PPHLN1: variants seen among roughly 807,000 people sequenced by gnomAD.
The protein encoded by PPHLN1 is periphilin-1.
PPHLN1 carries 29 observed loss-of-function variants against 51.3 expected under a neutral mutation model. The observed-to-expected ratio is 0.57, with a 90% CI of 0.42 to 0.77. The LOEUF (loss-of-function observed/expected upper bound fraction) is 0.77, where lower values mean the gene tolerates loss of function less well. PPHLN1 is among the 30% of genes least tolerant of loss of function. The probability of loss-of-function intolerance (pLI) is 0.00; values close to 1 mark genes in which losing one functional copy is unlikely to be tolerated. For synonymous variants in PPHLN1, 147 were observed against 147.8 expected (o/e 0.99, Z 0.04); for missense variants, 436 against 438.4 (o/e 0.99, Z 0.05).
At chr12:42,388,618 T>C (rs1202254035) in intron 7 of PPHLN1, among the ~76,000 whole-genome samples, 3 of 152,120 alleles carry the variant, frequency 2.0e-5, no homozygotes, top group Admixed American at 6.5e-5. Context: ...TTTCTTTCTC[T>C]ATACTTTGTC....
intron 9 of PPHLN1, among the ~76,000 whole-genome samples, chr12:42,417,809 C>G (rs1261471486): frequency 4.7e-5 from 7 of 147,628 alleles, no homozygotes. Context: ...ATTATTGGGA[C>G]ATTTCAAAAT....
intron 1 of PPHLN1, among the ~76,000 whole-genome samples, chr12:42,335,124 C>T (rs1039457723): frequency 6.6e-6 from 1 of 152,060 alleles, no homozygotes; most frequent in African/African-American, 2.4e-5. Flanking sequence ...CTATTTTCAT[C>T]TCTTCTTGTG....
At chr12:42,396,269 G>A (rs2078187881) in intron 8 of PPHLN1, among the ~76,000 whole-genome samples, 2 of 151,804 alleles carry the variant, frequency 1.3e-5, no homozygotes, top group Admixed American at 1.3e-4. Flanking sequence ...TTTTTTCACA[G>A]CATGTATTTC....
intron 7 of PPHLN1, among the ~76,000 whole-genome samples, chr12:42,392,158 G>A (rs1028259501): frequency 6.6e-6 from 1 of 152,196 alleles, no homozygotes; most frequent in African/African-American, 2.4e-5. Flanking sequence ...GGAGGTTGCA[G>A]TGAGCCGAGA....
chr12:42,358,474 T>C (rs1488481394), intron 4 of PPHLN1, among the ~76,000 whole-genome samples: 4 of 152,254 alleles, frequency 2.6e-5, no homozygotes, highest in Non-Finnish European at 5.9e-5. Flanking sequence ...CCCTGTAGCC[T>C]TGATCTGTCA....
intron 9 of PPHLN1, among the ~76,000 whole-genome samples, chr12:42,413,604 C>T (rs551944190): frequency 1.1e-3 from 162 of 150,882 alleles, no homozygotes; most frequent in East Asian, 3.5e-3. Flanking sequence ...CTCTCTTGCC[C>T]GGGCTGGAGT....
chr12:42,406,541 C>G (rs920247903), intron 9 of PPHLN1, among the ~76,000 whole-genome samples: 2 of 152,264 alleles, frequency 1.3e-5, no homozygotes, highest in African/African-American at 4.8e-5. Context: ...ATGCTGAGGA[C>G]TGTTTCCTGT....
chr12:42,329,163 G>A (rs568929308), intron 1 of PPHLN1, among the ~76,000 whole-genome samples: 13 of 150,396 alleles, frequency 8.6e-5, no homozygotes, highest in Non-Finnish European at 1.2e-4. Flanking sequence ...GTGCAGTGGC[G>A]CGATCTTGGC....
intron 9 of PPHLN1, 69 bp from the exon 10 acceptor site, chr12:42,441,246 A>C (rs1183795348): frequency 6.7e-7 from 1 of 1,487,994 alleles, no homozygotes; most frequent in Non-Finnish European, 9.0e-7. Context: ...AATTCTGCCA[A>C]CTCAGTTAGC....
downstream of PPHLN1, chr12:42,446,188 A>C: frequency 6.2e-7 from 1 of 1,611,804 alleles, no homozygotes; most frequent in Non-Finnish European, 8.5e-7. Context: ...TGAAGAAGAC[A>C]ACTCAGGAGG....
At chr12:42,428,149 A>T (rs964244519) in intron 9 of PPHLN1, among the ~76,000 whole-genome samples, 4 of 152,234 alleles carry the variant, frequency 2.6e-5, no homozygotes, top group Admixed American at 2.6e-4. Context: ...GAACACTTCT[A>T]CACTGCAGGT....
At chr12:42,369,161 T>C (rs1035096029) in intron 4 of PPHLN1, among the ~76,000 whole-genome samples, 1 of 152,224 alleles carries the variant, frequency 6.6e-6, no homozygotes, top group African/African-American at 2.4e-5. Flanking sequence ...GCCTAAAATA[T>C]TATTTGGCTT....
At chr12:42,436,738 T>C (rs2082520030) in intron 9 of PPHLN1, among the ~76,000 whole-genome samples, 1 of 152,238 alleles carries the variant, frequency 6.6e-6, no homozygotes, top group South Asian at 2.1e-4. Context: ...GACTAACAGG[T>C]GGGTAGTATA....
At chr12:42,403,561 T>C (rs1370540307) in intron 9 of PPHLN1, among the ~76,000 whole-genome samples, 1 of 152,230 alleles carries the variant, frequency 6.6e-6, no homozygotes, top group African/African-American at 2.4e-5. Flanking sequence ...AAAGGTAATT[T>C]AGTTATTTTG....
chr12:42,375,726 C>G (rs550480981), intron 5 of PPHLN1, among the ~76,000 whole-genome samples: 4 of 152,158 alleles, frequency 2.6e-5, no homozygotes, highest in Admixed American at 6.5e-5. Flanking sequence ...CCTGAACCTA[C>G]ATGACATTCT....
At chr12:42,444,863 C>T (rs947590172), downstream of PPHLN1, 8 of 579,160 alleles carry the variant, frequency 1.4e-5, no homozygotes, top group East Asian at 2.9e-5. Context: ...TGCTTTTTAC[C>T]GATGGCTCTC....
chr12:42,381,370 T>C (rs1384171212), intron 5 of PPHLN1, among the ~76,000 whole-genome samples: 1 of 152,218 alleles, frequency 6.6e-6, no homozygotes, highest in African/African-American at 2.4e-5. Flanking sequence ...GTATATTCTG[T>C]CAGTAGCAAA....
At chr12:42,430,341 C>A (rs1365864362) in intron 9 of PPHLN1, among the ~76,000 whole-genome samples, 1 of 129,600 alleles carries the variant, frequency 7.7e-6, no homozygotes, top group Non-Finnish European at 1.7e-5. Flanking sequence ...GTGATGCTGT[C>A]CCCCCGCCAC....
chr12:42,362,211 T>G (rs2074771158), intron 4 of PPHLN1, among the ~76,000 whole-genome samples: 1 of 152,112 alleles, frequency 6.6e-6, no homozygotes, highest in African/African-American at 2.4e-5. Context: ...CTGTTTTGAG[T>G]TTTTTGATTT....
Sources: allele counts gnomAD v4.1 joint callset (sites outside exome capture counted in the v4.1 genomes callset), GRCh38; gene constraint gnomAD v4.1.1; transcripts MANE v1.5; gene names NCBI Gene and HGNC (gene_info 2026-07-23, HGNC 2026-07-21).